Variants in GCDH observed in about 807,000 individuals in gnomAD.
The protein encoded by GCDH is glutaryl-CoA dehydrogenase, mitochondrial.
GCDH carries 31 observed loss-of-function variants against 52.8 expected under a neutral mutation model. The observed-to-expected ratio is 0.59, with a 90% CI of 0.44 to 0.79. The LOEUF is 0.79. GCDH is among the 30% of genes least tolerant of loss of function. The pLI is 0.00. For synonymous variants in GCDH, 242 were observed against 250.0 expected (o/e 0.97, Z 0.30); for missense variants, 509 against 595.0 (o/e 0.86, Z 1.50).
chr19:12,893,088 T>C (rs1035147407), intron 5 of GCDH, among the ~76,000 whole-genome samples: 1 of 152,022 alleles, frequency 6.6e-6, no homozygotes, highest in African/African-American at 2.4e-5. Flanking sequence ...GATTTCACCA[T>C]GTTGGCCAGG....
rs1466673082 is a variant in GCDH at position 12,895,545 on chromosome 19, G to A, written c.506-447G>A. ...CAAAGTGCTGAGATTACATGTGTGA[G>A]CCACCTCGACTGGCCTAATTTTTTG... On this transcript the variant is annotated intron_variant, in intron 6 of 11. Coordinates refer to ENST00000222214, the MANE Select transcript of GCDH (RefSeq NM_000159.4). Among the ~76,000 whole-genome samples, 3 of 152,040 alleles carry A rather than the reference G, an allele frequency of 2.0e-5. No individual in the cohort carries two copies. In the East Asian group the frequency reaches 5.8e-4, roughly 30 times the overall value.
At chr19:12,899,326 G>A in intron 11 of GCDH, 142 bp from the exon 12 acceptor site, 5 of 1,611,832 alleles carry the variant, frequency 3.1e-6, no homozygotes, top group Non-Finnish European at 3.4e-6. Context: ...TAAGGCGTGA[G>A]TCTCCCGGCA....
At chr19:12,895,614 A>T (rs1970653532) in intron 6 of GCDH, among the ~76,000 whole-genome samples, 1 of 146,304 alleles carries the variant, frequency 6.8e-6, no homozygotes, top group African/African-American at 2.5e-5. Flanking sequence ...GTCAGGCTGG[A>T]TTTTTTTTCT....
intron 6 of GCDH, chr19:12,894,101 G>A (rs1038028586): frequency 2.1e-5 from 20 of 971,444 alleles, no homozygotes; most frequent in Admixed American, 6.2e-5. Context: ...GCCCTCTTCC[G>A]TGGTGTCTCG....
Position 12,894,503 on chromosome 19 carries a change from C to T in GCDH, c.505+850C>T, listed in dbSNP as rs1435709512. 7 of 702,706 alleles carry T rather than the reference C, an allele frequency of 1.0e-5. No individual in the cohort carries two copies. The Admixed American group carries it at 1.3e-4, about 13-fold the overall frequency. 43.5% of individuals were successfully genotyped at this position (702,706 alleles called of 1,614,324 possible). On this transcript the variant is annotated intron_variant, in intron 6 of 11. Transcript: ENST00000222214. ...AAAAGGAGAGAAGGGTATTCCTGGACTGACTGAGACTATGATGCCTCGTCA... is the reference window on the plus strand; with the variant it reads ...AAAAGGAGAGAAGGGTATTCCTGGATTGACTGAGACTATGATGCCTCGTCA...
chr19:12,891,277 G>A lies in GCDH; in HGVS notation c.-28G>A. 7 of 1,589,838 alleles carry A rather than the reference G, an allele frequency of 4.4e-6. No individual in the cohort carries two copies. The highest frequency in any genetic ancestry group is 6.0e-6 in the Non-Finnish European group (7 of 1,171,044). On this transcript the variant is annotated 5_prime_UTR_variant, in exon 2 of 12. Coordinates refer to ENST00000222214, the MANE Select transcript of GCDH (RefSeq NM_000159.4). ...GACACCCCCGCTCCTGTAGGTCGCC[G>A]TCGTTGCTCCGCTCGCTCTGAGAGA...
chr19:12,899,170 G>T, intron 11 of GCDH: 3 of 639,980 alleles, frequency 4.7e-6, no homozygotes, highest in South Asian at 1.9e-5. Flanking sequence ...TATGGCAGGG[G>T]CTGGACTTGC....
At position 12,893,498 on chromosome 19, in the gene GCDH, G is replaced by A. The variant is rs1970602989; in HGVS notation, c.350G>A (p.Gly117Glu). The change falls in exon 6 of 12, where the codon GGG becomes GAG. Residue 117 changes from glycine (G) to glutamate (E), a missense_variant. By Grantham distance (98) the Gly-to-Glu change is moderately conservative (BLOSUM62 -2). Transcript: ENST00000222214. The part of the protein sequence containing the change: ...GPTIKGYGCA[G>E]VSSVAYGLLA... ...CTACCACCAGGATATGGCTGTGCTG[G>A]GGTTTCGTCTGTGGCCTATGGGCTC... The A allele has an allele frequency of 6.2e-7, 1 of 1,613,976 alleles. No homozygotes were observed. The highest frequency in any genetic ancestry group is 1.3e-5 in the African/African-American group (1 of 74,920).
chr19:12,897,763 C>T lies in GCDH; in HGVS notation c.1143C>T (p.Ile381=), dbSNP rs142553521. The T allele has an allele frequency of 1.8e-3, 2,885 of 1,614,016 alleles. 3 individuals carry two copies. Among genetic ancestry groups the T allele is most frequent in the Non-Finnish European group, 2.2e-3 (2,546 of 1,179,954 alleles). The change falls in exon 11 of 12, where the codon ATC becomes ATT. Residue 381 remains isoleucine (I), a synonymous_variant. Transcript: ENST00000222214. The part of the protein sequence containing the change: ...KRNNCGKALD[I]ARQARDMLGG... ...ATAACTGTGGGAAAGCCCTGGACATCGCCCGCCAGGCCCGAGACATGCTGG... is the reference window on the plus strand; with the variant it reads ...ATAACTGTGGGAAAGCCCTGGACATTGCCCGCCAGGCCCGAGACATGCTGG...
At position 12,896,083 on chromosome 19, in the gene GCDH, A is replaced by G; in HGVS notation, c.597A>G (p.Ser199=). 2 of 1,614,036 alleles carry G rather than the reference A, an allele frequency of 1.2e-6. No homozygotes were observed. The highest frequency in any genetic ancestry group is 1.7e-6 in the Non-Finnish European group (2 of 1,179,990). ...SSMETRAHYN[S]SNKSYTLNGT... ...TGGAGACCAGAGCCCACTACAACTC[A>G]TCCAACAAGAGCTACACCCTCAATG... Residue 199 remains serine (S), a synonymous_variant, in exon 7 of 12, where the codon TCA becomes TCG. Transcript: ENST00000222214. This position sits in a 1 kb window ranked among gnomAD's most constrained non-coding sequence, Gnocchi z 5.5.
chr19:12,895,593 T>G (rs1970652815), intron 6 of GCDH, among the ~76,000 whole-genome samples: 1 of 151,696 alleles, frequency 6.6e-6, no homozygotes, highest in Non-Finnish European at 1.5e-5. Context: ...AGATGGGGTT[T>G]CACCATATTG....
At chr19:12,894,078 T>A in intron 6 of GCDH, 1 of 765,100 alleles carries the variant, frequency 1.3e-6, no homozygotes, top group Non-Finnish European at 2.2e-6. Flanking sequence ...TGACCTGCGC[T>A]AAGTGGACGT....
chr19:12,891,426 G>T, intron 2 of GCDH, 31 bp downstream of exon 2: 1 of 1,614,198 alleles, frequency 6.2e-7, no homozygotes, highest in East Asian at 2.2e-5. Flanking sequence ...GTGGAGGGAA[G>T]GAGGGAGGAA....
At chr19:12,894,418 T>G in intron 6 of GCDH, 1 of 751,810 alleles carries the variant, frequency 1.3e-6, no homozygotes, top group Non-Finnish European at 2.5e-6. Context: ...AAAGAGAAGA[T>G]CAGTTCATGG....
In GCDH at chr19:12,891,386, G is replaced by T. The variant is rs762927574; in HGVS notation, c.82G>T (p.Ala28Ser). 1.2e-6 allele frequency: 2 copies of T among 1,614,128 alleles called. No individual in the cohort carries two copies. Residue 28 changes from alanine to serine, a missense_variant, in exon 2 of 12, where the codon GCG becomes TCG. By Grantham distance (99) the Ala-to-Ser change is moderately conservative. Coordinates refer to ENST00000222214, the MANE Select transcript of GCDH (RefSeq NM_000159.4). ...HVLRTWVSSA[A>S]QTEKGGRTQS... ...CCTTCGCACGTGGGTCTCGTCGGCG[G>T]CGCAGACCGGTCAGTGTGGGGTCGG...
rs778144117 is a variant in GCDH at position 12,896,892 on chromosome 19, G to A, written c.853-18G>A. On this transcript the variant is annotated intron_variant, in intron 8 of 11. Transcript: ENST00000222214. The surrounding 1 kb of genome is among the most constrained non-coding windows in gnomAD (Gnocchi z 5.5). ...GGTGTCTCTTGGGTGGGCCTGAGGC[G>A]CCATCTCAACCCTACAGGGTCCCTT... is the stretch of plus-strand genomic sequence containing the variant. The A allele has an allele frequency of 3.2e-5, 51 of 1,586,924 alleles. No homozygotes were observed. In the South Asian group the frequency reaches 4.9e-4, roughly 15 times the overall value.
Position 12,896,687 on chromosome 19 carries a change from G to A in GCDH, c.853-223G>A, listed in dbSNP as rs1970689157. Among the ~76,000 whole-genome samples the A allele has an allele frequency of 6.6e-6, 1 of 152,210 alleles. No individual in the cohort carries two copies. The highest frequency in any genetic ancestry group is 2.4e-5 in the African/African-American group (1 of 41,458). On this transcript the variant is annotated intron_variant, in intron 8 of 11. Transcript: ENST00000222214. This position sits in a 1 kb window ranked among gnomAD's most constrained non-coding sequence, Gnocchi z 5.5. ...TCTTCTGGCATCCGTCAGCCTCCTG[G>A]CTCTGAGCATCGAACCCAGATGCCA...
chr19:12,891,678 G>A (rs775673559), intron 3 of GCDH, 153 bp from the exon 4 acceptor site: 79 of 1,604,150 alleles, frequency 4.9e-5, no homozygotes, highest in Non-Finnish European at 2.1e-5. Flanking sequence ...CGCTGTGCCT[G>A]CGGGGCCGGA....
At chr19:12,891,136 T>C (rs556803586), upstream of GCDH, 1 of 635,728 alleles carries the variant, frequency 1.6e-6, no homozygotes, top group South Asian at 1.7e-5. Context: ...CTCCCACTTC[T>C]TGCTGAGGTC....
Sources: gnomAD v4.1 joint callset for allele counts (sites outside exome capture counted in the v4.1 genomes callset) on GRCh38, gnomAD v4.1.1 for gene constraint, Gnocchi (gnomAD v3.1) non-coding constraint, MANE v1.5 for transcripts, NCBI Gene and HGNC (gene_info 2026-07-23, HGNC 2026-07-21) for gene names.